Variants in KCNJ15 observed in about 807,000 individuals in gnomAD.
KCNJ15 encodes the protein ATP-sensitive inward rectifier potassium channel 15.
In KCNJ15, 14 loss-of-function variants were observed where a neutral mutation model predicts 23.0. The ratio of observed to expected loss-of-function variants is 0.61; its 90% CI spans 0.40 to 0.95. KCNJ15 has a LOEUF of 0.95. Among genes scored for constraint, KCNJ15 ranks in the 40% least tolerant of loss-of-function variants. The pLI, the probability that KCNJ15 is intolerant of heterozygous loss-of-function variation, is 0.00. For missense variants in KCNJ15, 388 were observed against 461.8 expected (o/e 0.84, Z 1.46); for synonymous variants, 185 against 183.2 (o/e 1.01, Z -0.08).
Position 38,293,383 on chromosome 21 carries a change from G to A in KCNJ15, c.-116-3543G>A, listed in dbSNP as rs9981848. ...GTGACAGGGCCACACCTGACACAAGGGAGTAGGAAACACACACCCCACCCC... is the reference window on the plus strand; with the variant it reads ...GTGACAGGGCCACACCTGACACAAGAGAGTAGGAAACACACACCCCACCCC... On this transcript the variant is annotated intron_variant, in intron 1 of 2. Transcript: ENST00000398938. Among the ~76,000 whole-genome samples the A allele has an allele frequency of 4.6e-3, 706 of 152,226 alleles. 4 individuals carry two copies. The highest frequency in any genetic ancestry group is 7.2e-3 in the Non-Finnish European group (492 of 68,016).
At chr21:38,268,982 C>G (rs1243144861) in intron 1 of KCNJ15, 3 of 152,188 alleles carry the variant, frequency 2.0e-5, no homozygotes, top group African/African-American at 7.2e-5. Context: ...GGAGTCCCCA[C>G]CTATGGGCTG....
chr21:38,272,305 G>C (rs1982186348), intron 1 of KCNJ15: 1 of 152,234 alleles, frequency 6.6e-6, no homozygotes, highest in South Asian at 2.1e-4. Context: ...GTGGCTCAAG[G>C]GCTCTGTCCT....
chr21:38,232,037 TA>T (rs1978324102), intron 1 of KCNJ15, among the ~76,000 whole-genome samples: 1 of 151,814 alleles, frequency 6.6e-6, no homozygotes, highest in Admixed American at 6.6e-5. Flanking sequence ...ATCATTTGAA[TA>T]AATAATGATT....
chr21:38,240,357 A>G (rs190176447), intron 1 of KCNJ15, among the ~76,000 whole-genome samples: 20 of 152,334 alleles, frequency 1.3e-4, no homozygotes, highest in African/African-American at 2.9e-4. Flanking sequence ...AGTTTTCCTG[A>G]TTGGAAATGG....
At chr21:38,271,040 G>A (rs539512084) in intron 1 of KCNJ15, among the ~76,000 whole-genome samples, 1 of 152,360 alleles carries the variant, frequency 6.6e-6, no homozygotes, top group African/African-American at 2.4e-5. Flanking sequence ...GGACATTGGG[G>A]AGCCCCAGGC....
intron 1 of KCNJ15, among the ~76,000 whole-genome samples, chr21:38,263,073 C>T (rs969032693): frequency 7.9e-5 from 12 of 152,122 alleles, no homozygotes; most frequent in Admixed American, 1.3e-4. Flanking sequence ...AATCTGATTA[C>T]GGAAGACTCA....
At chr21:38,263,199 C>T (rs1214968841) in intron 1 of KCNJ15, among the ~76,000 whole-genome samples, 2 of 152,112 alleles carry the variant, frequency 1.3e-5, no homozygotes, top group African/African-American at 2.4e-5. Flanking sequence ...CAGCAGGACA[C>T]ACCTGCCTAG....
chr21:38,241,192 G>T (rs890324133), intron 1 of KCNJ15, among the ~76,000 whole-genome samples: 1 of 152,160 alleles, frequency 6.6e-6, no homozygotes, highest in South Asian at 2.1e-4. Context: ...CCTGCCAGGC[G>T]GGGAGCCCTG....
intron 1 of KCNJ15, among the ~76,000 whole-genome samples, chr21:38,242,599 A>T (rs1027244373): frequency 2.6e-5 from 4 of 152,122 alleles, no homozygotes; most frequent in African/African-American, 9.7e-5. Flanking sequence ...TCTTTCCCTA[A>T]GCCCTTGCCC....
chr21:38,245,569 A>AAAAG (rs199654510), intron 1 of KCNJ15, among the ~76,000 whole-genome samples: 1 of 151,428 alleles, frequency 6.6e-6, no homozygotes, highest in African/African-American at 2.4e-5. Flanking sequence ...ACAAAGAAAG[A>AAAAG]AAAGAAAGAA....
At chr21:38,251,725 CA>C (rs1487627793) in intron 1 of KCNJ15, among the ~76,000 whole-genome samples, 19 of 152,166 alleles carry the variant, frequency 1.2e-4, no homozygotes, top group Admixed American at 1.0e-3. Flanking sequence ...TAGCGTGACC[CA>C]TCATCGCAAT....
rs547421097 is a variant in KCNJ15 at position 38,299,569 on chromosome 21, A to C, written c.308A>C (p.Asn103Thr). ...GDLEPGEPIS[N>T]HTPCIMKVDS... ...TTAGAACCCGGTGAGCCCATTTCAA[A>C]TCATACCCCCTGCATCATGAAAGTG... The change falls in exon 3 of 3, where the codon AAT becomes ACT. Residue 103 changes from asparagine (N) to threonine (T), a missense_variant. By Grantham distance (65) the Asn-to-Thr change is moderately conservative. Transcript: ENST00000398938. The surrounding 1 kb of genome is among the most constrained non-coding windows in gnomAD (Gnocchi z 4.5). The C allele has an allele frequency of 1.2e-6, 2 of 1,614,096 alleles. No individual in the cohort carries two copies. The highest frequency in any genetic ancestry group is 2.2e-5 in the South Asian group (2 of 91,070).
chr21:38,236,199 G>T (rs1316649133), intron 1 of KCNJ15, among the ~76,000 whole-genome samples: 1 of 152,228 alleles, frequency 6.6e-6, no homozygotes, highest in African/African-American at 2.4e-5. Flanking sequence ...GGCAGGGATG[G>T]TGAGTCTAGC....
chr21:38,302,767 A>G lies in KCNJ15; in HGVS notation c.*2378A>G, dbSNP rs1985890474. On this transcript the variant is annotated 3_prime_UTR_variant, in exon 3 of 3. Transcript: ENST00000398938. ...CATTTATATTGTATATGGTACAAGG[A>G]CGTAGCATAAGATCCAAAAAAAATT... is the stretch of plus-strand genomic sequence containing the variant. 1 of 152,188 alleles carries G rather than the reference A, an allele frequency of 6.6e-6. No individual in the cohort carries two copies. Among genetic ancestry groups the G allele is most frequent in the African/African-American group, 2.4e-5 (1 of 41,450 alleles). The allele number at this position is 152,188 out of a possible 1,614,324, so 9.4% of individuals were successfully genotyped here. A position where few individuals can be genotyped will look rare whatever the true frequency, so the allele number is the denominator to read the frequency against.
chr21:38,273,553 A>G (rs963807394), intron 1 of KCNJ15, among the ~76,000 whole-genome samples: 2 of 152,224 alleles, frequency 1.3e-5, no homozygotes, highest in Admixed American at 1.3e-4. Context: ...TCAATGACCT[A>G]TCAATTACCC....
At chr21:38,236,854 A>G (rs944137296) in intron 1 of KCNJ15, among the ~76,000 whole-genome samples, 1 of 152,228 alleles carries the variant, frequency 6.6e-6, no homozygotes, top group African/African-American at 2.4e-5. Context: ...AGATTATTCA[A>G]TCATAAGCCT....
chr21:38,242,113 G>A (rs930030627), intron 1 of KCNJ15, among the ~76,000 whole-genome samples: 5 of 152,084 alleles, frequency 3.3e-5, no homozygotes, highest in African/African-American at 1.2e-4. Context: ...TGGAGCCCAC[G>A]GCCACACTTC....
intron 1 of KCNJ15, among the ~76,000 whole-genome samples, chr21:38,277,484 C>T (rs944381406): frequency 1.3e-5 from 2 of 152,168 alleles, no homozygotes; most frequent in African/African-American, 2.4e-5. Context: ...CCTAATCCTA[C>T]AAGTAACTGC....
At chr21:38,241,977 A>T (rs1487487485) in intron 1 of KCNJ15, among the ~76,000 whole-genome samples, 6 of 151,306 alleles carry the variant, frequency 4.0e-5, no homozygotes, top group Non-Finnish European at 8.8e-5. Flanking sequence ...TAAAAAAAAA[A>T]AAAAAAAAAA....
Sources: gnomAD v4.1 joint callset for allele counts (sites outside exome capture counted in the v4.1 genomes callset) on GRCh38, gnomAD v4.1.1 for gene constraint, Gnocchi (gnomAD v3.1) non-coding constraint, MANE v1.5 for transcripts, NCBI Gene and HGNC (gene_info 2026-07-23, HGNC 2026-07-21) for gene names.